The following PCSK5 variants were observed in gnomAD, a reference collection of about 807,000 sequenced individuals.
PCSK5 encodes prohormone convertase 5.
In PCSK5, 129 loss-of-function variants were observed where a neutral mutation model predicts 233.2. The ratio of observed to expected loss-of-function variants is 0.55; its 90% CI spans 0.48 to 0.64. PCSK5 has a LOEUF of 0.64. Among genes scored for constraint, PCSK5 ranks in the 30% least tolerant of loss-of-function variants. The probability of loss-of-function intolerance (pLI) is 0.00; values close to 1 mark genes in which losing one functional copy is unlikely to be tolerated. For missense variants in PCSK5, 2,076 were observed against 2,430.1 expected, an observed-to-expected ratio of 0.85 and a Z score of 3.06; for synonymous variants, 825 against 879.2, an observed-to-expected ratio of 0.94 and a Z score of 1.09.
intron 24 of PCSK5, among the ~76,000 whole-genome samples, chr9:76,288,922 G>A (rs1472305481): frequency 6.6e-6 from 1 of 152,178 alleles, no homozygotes; most frequent in East Asian, 1.9e-4. Flanking sequence ...ATTCAATGGT[G>A]AAGGTGATCG....
intron 5 of PCSK5, among the ~76,000 whole-genome samples, chr9:76,041,843 G>GAAA (rs66491707): frequency 5.6e-4 from 74 of 131,028 alleles, no homozygotes; most frequent in Middle Eastern, 4.0e-3. Context: ...TGTCTCAAGG[G>GAAA]AAAAAAAAAA....
chr9:76,124,321 A>C (rs1330493969), intron 9 of PCSK5, among the ~76,000 whole-genome samples: 1 of 152,210 alleles, frequency 6.6e-6, no homozygotes, highest in African/African-American at 2.4e-5. Flanking sequence ...CCAGTAAAGC[A>C]TCTGGTAAAT....
intron 20 of PCSK5, among the ~76,000 whole-genome samples, chr9:76,210,360 T>C (rs916859230): frequency 6.6e-6 from 1 of 152,210 alleles, no homozygotes; most frequent in Non-Finnish European, 1.5e-5. Context: ...ATCTCTGTCA[T>C]TGGTTGAGGA....
At chr9:76,133,513 C>T (rs192106230) in intron 9 of PCSK5, among the ~76,000 whole-genome samples, 3 of 152,128 alleles carry the variant, frequency 2.0e-5, no homozygotes, top group African/African-American at 7.2e-5. Flanking sequence ...ATTAAGAATA[C>T]TCTTACTGCT....
At chr9:75,993,375 T>C (rs1826859536) in intron 3 of PCSK5, among the ~76,000 whole-genome samples, 2 of 152,158 alleles carry the variant, frequency 1.3e-5, no homozygotes, top group Non-Finnish European at 2.9e-5. Flanking sequence ...CCTTAGTTCA[T>C]TTGAAAAACT....
intron 27 of PCSK5, among the ~76,000 whole-genome samples, chr9:76,298,996 C>A (rs980453962): frequency 1.3e-5 from 2 of 152,184 alleles, no homozygotes; most frequent in African/African-American, 4.8e-5. Context: ...CTACAACCAA[C>A]CCCATGAGCA....
chr9:75,921,905 T>C (rs1823275034), intron 1 of PCSK5, among the ~76,000 whole-genome samples: 1 of 152,238 alleles, frequency 6.6e-6, no homozygotes. Flanking sequence ...CCAGTCCTTA[T>C]CTGTAGTGTG....
chr9:76,158,978 T>C lies in PCSK5; in HGVS notation c.1431-5T>C, dbSNP rs1401257172. Reference sequence around the variant, plus strand: ...GCTCAAACTCTCCATCTCTCTCTGTTACAGGACAATCCGCCCTAACAGTGC... The same window carrying C: ...GCTCAAACTCTCCATCTCTCTCTGTCACAGGACAATCCGCCCTAACAGTGC... On this transcript the variant is annotated splice_region_variant and splice_polypyrimidine_tract_variant and intron_variant, in intron 11 of 37. Transcript: ENST00000674117. 1.9e-6 allele frequency: 3 copies of C among 1,612,496 alleles called. No individual in the cohort carries two copies. In the East Asian group the frequency reaches 6.7e-5, roughly 36 times the overall value.
chr9:75,982,795 A>G (rs2131386278), intron 2 of PCSK5, among the ~76,000 whole-genome samples: 1 of 106,904 alleles, frequency 9.4e-6, no homozygotes, highest in South Asian at 2.9e-4. Flanking sequence ...ATTTTTATGT[A>G]GTTAAATTAG....
intron 2 of PCSK5, among the ~76,000 whole-genome samples, chr9:75,953,984 G>T (rs1367682146): frequency 6.6e-6 from 1 of 152,060 alleles, no homozygotes; most frequent in Non-Finnish European, 1.5e-5. Context: ...AGATGAGAAA[G>T]GTCTTATAGT....
At chr9:75,993,010 C>T (rs1826840472) in intron 3 of PCSK5, among the ~76,000 whole-genome samples, 1 of 152,112 alleles carries the variant, frequency 6.6e-6, no homozygotes, top group Admixed American at 6.5e-5. Flanking sequence ...GGATGGTGTT[C>T]AGTACTCCAA....
chr9:75,928,611 AT>A (rs1823619903), intron 1 of PCSK5, among the ~76,000 whole-genome samples: 2 of 105,944 alleles, frequency 1.9e-5, no homozygotes, highest in African/African-American at 9.0e-5. Flanking sequence ...ATATATATAT[AT>A]ATATATATAT....
Position 76,359,202 on chromosome 9 carries a change from G to A in PCSK5, c.*280G>A, listed in dbSNP as rs1830380832. ...AATGTGTTAAGACACAAAAATGAAG[G>A]AAGTGAAAACAAATGAGATTTGTAC... On this transcript the variant is annotated 3_prime_UTR_variant, in exon 38 of 38. Transcript: ENST00000674117. The A allele has an allele frequency of 2.6e-6, 1 of 390,982 alleles. No homozygotes were observed. Among genetic ancestry groups the A allele is most frequent in the Non-Finnish European group, 4.7e-6 (1 of 214,202 alleles). 24.2% of individuals were successfully genotyped at this position (390,982 alleles called of 1,614,324 possible).
chr9:76,166,626 A>C (rs1049410574), intron 12 of PCSK5, among the ~76,000 whole-genome samples: 1 of 152,176 alleles, frequency 6.6e-6, no homozygotes, highest in African/African-American at 2.4e-5. Context: ...CAATGAGCCA[A>C]GTGTTCTGTC....
chr9:76,261,417 G>C (rs765243517), intron 24 of PCSK5, among the ~76,000 whole-genome samples: 43 of 152,100 alleles, frequency 2.8e-4, no homozygotes, highest in Non-Finnish European at 1.2e-4. Context: ...AAATGACTCT[G>C]GTAAAGCTGC....
chr9:76,158,559 C>G (rs913440500), intron 11 of PCSK5, among the ~76,000 whole-genome samples: 2 of 152,140 alleles, frequency 1.3e-5, no homozygotes, highest in African/African-American at 4.8e-5. Context: ...ATGCTAATCC[C>G]CAAGCCTCCA....
intron 8 of PCSK5, among the ~76,000 whole-genome samples, chr9:76,106,119 TC>T (rs1022831410): frequency 1.6e-4 from 24 of 152,206 alleles, no homozygotes; most frequent in Non-Finnish European, 2.8e-4. Context: ...GCTGCCTGGA[TC>T]CCCCTTCACC....
chr9:76,238,975 G>T lies in PCSK5; in HGVS notation c.2883G>T (p.Glu961Asp). 2 of 1,612,074 alleles carry T rather than the reference G, an allele frequency of 1.2e-6. No homozygotes were observed. The highest frequency in any genetic ancestry group is 1.7e-6 in the Non-Finnish European group (2 of 1,179,498). Residue 961 changes from glutamate (E) to aspartate (D), a missense_variant, in exon 23 of 38, where the codon GAG becomes GAT. Physicochemically the swap from Glu to Asp is conservative, Grantham distance 45. Coordinates refer to ENST00000674117, the MANE Select transcript of PCSK5 (RefSeq NM_001372043.1). ...TSCGADNYGREHFLYQGECGD... is the reference protein window; with the variant it reads ...TSCGADNYGRDHFLYQGECGD... Reference sequence around the variant, plus strand: ...ACTGATCAGACAACTATGGCCGAGAGCACTTCCTGTACCAGGGAGAGTGTG... The same window carrying T: ...ACTGATCAGACAACTATGGCCGAGATCACTTCCTGTACCAGGGAGAGTGTG...
At chr9:76,261,576 A>T (rs982970091) in intron 24 of PCSK5, among the ~76,000 whole-genome samples, 7 of 152,058 alleles carry the variant, frequency 4.6e-5, no homozygotes, top group African/African-American at 1.7e-4. Context: ...CCAAGGAGAT[A>T]AAAAATCTCT....
Sources: gnomAD v4.1 joint callset for allele counts (sites outside exome capture counted in the v4.1 genomes callset) on GRCh38, gnomAD v4.1.1 for gene constraint, MANE v1.5 for transcripts, NCBI Gene and HGNC (gene_info 2026-07-23, HGNC 2026-07-21) for gene names.